The following TBC1D14 variants were observed in gnomAD, a reference collection of about 807,000 sequenced individuals.
TBC1D14 encodes TBC1 domain family, member 14.
In TBC1D14, 26 loss-of-function variants were observed where a neutral mutation model predicts 79.0. The ratio of observed to expected loss-of-function variants is 0.33; its 90% CI spans 0.24 to 0.46. The LOEUF is 0.46. Ranked by LOEUF, TBC1D14 falls within the 20% of genes least tolerant of loss-of-function variation. TBC1D14 has a pLI of 1.00. For missense variants in TBC1D14, 769 were observed against 887.6 expected, an observed-to-expected ratio of 0.87 and a Z score of 1.70; for synonymous variants, 394 against 349.9, an observed-to-expected ratio of 1.13 and a Z score of -1.40.
In TBC1D14 at chr4:7,030,323, C is replaced by G. The variant is rs754034627; in HGVS notation, c.2017-4C>G. On this transcript the variant is annotated splice_polypyrimidine_tract_variant and splice_region_variant and intron_variant, in intron 13 of 13. Coordinates refer to ENST00000409757, the MANE Select transcript of TBC1D14 (RefSeq NM_020773.3). ...ACCTCAGCTGTCTTCCCTGTGACTT[C>G]TAGGTACTGACTGCATTGCAGAAAG... The G allele has an allele frequency of 1.2e-6, 2 of 1,613,840 alleles. No individual in the cohort carries two copies. The highest frequency in any genetic ancestry group is 1.1e-5 in the South Asian group (1 of 91,082).
intron 10 of TBC1D14, 142 bp downstream of exon 10, chr4:7,010,090 A>C (rs1366346001): frequency 1.7e-5 from 15 of 863,170 alleles, no homozygotes; most frequent in Non-Finnish European, 2.8e-5. Flanking sequence ...TAAGTGAGTT[A>C]AGTGAGTTGA....
chr4:6,950,173 G>A (rs1221872109), intron 2 of TBC1D14, among the ~76,000 whole-genome samples: 1 of 152,170 alleles, frequency 6.6e-6, no homozygotes, highest in Admixed American at 6.6e-5. Context: ...TTGGTTTTCT[G>A]TTCCCGTGTT....
rs545708798 is a variant in TBC1D14, at chr4:6,936,310, C to T, written c.722+12199C>T. Among the ~76,000 whole-genome samples the T allele has an allele frequency of 5.3e-5, 8 of 152,316 alleles. No individual in the cohort carries two copies. In the East Asian group the frequency reaches 7.7e-4, roughly 15 times the overall value. ...CCAAATCCTCTGTGATCCACCTGTC[C>T]GTCTCTCTTTTTCTCCTTACCCCTG... On this transcript the variant is annotated intron_variant, in intron 2 of 13. Transcript: ENST00000409757.
chr4:7,004,152 G>T (rs1222272927), intron 7 of TBC1D14, among the ~76,000 whole-genome samples: 3 of 152,228 alleles, frequency 2.0e-5, no homozygotes, highest in African/African-American at 7.2e-5. Context: ...ACCTGTGGAG[G>T]TCTGTGTATG....
intron 2 of TBC1D14, among the ~76,000 whole-genome samples, chr4:6,934,697 TTAGCAA>T (rs2108956912): frequency 6.6e-6 from 1 of 152,006 alleles, no homozygotes. Context: ...AATTGACTGT[TTAGCAA>T]TGAGGAGGCC....
At chr4:6,969,560 C>T (rs996075209) in intron 3 of TBC1D14, among the ~76,000 whole-genome samples, 2 of 152,148 alleles carry the variant, frequency 1.3e-5, no homozygotes, top group Admixed American at 6.5e-5. Context: ...TGCCCACCAC[C>T]GCGCCTGGCT....
At chr4:7,001,945 G>A (rs1719717170) in intron 7 of TBC1D14, among the ~76,000 whole-genome samples, 2 of 152,204 alleles carry the variant, frequency 1.3e-5, no homozygotes, top group Non-Finnish European at 2.9e-5. Flanking sequence ...GTGGAAAGAC[G>A]GGGCTACCTT....
rs535061001 is a variant in TBC1D14 at position 7,013,869 on chromosome 4, G to T, written c.1648-579G>T. Among the ~76,000 whole-genome samples, 360 of 151,854 alleles carry T rather than the reference G, an allele frequency of 2.4e-3. 2 individuals carry two copies. Among genetic ancestry groups the T allele is most frequent in the African/African-American group, 7.9e-3 (327 of 41,388 alleles). ...CGCCATTCTCCTGCCTCAGCCTCCCGAGTAGCTGGGACTACAGGCGCCCGC... is the reference window on the plus strand; with the variant it reads ...CGCCATTCTCCTGCCTCAGCCTCCCTAGTAGCTGGGACTACAGGCGCCCGC... On this transcript the variant is annotated intron_variant, in intron 11 of 13. Coordinates refer to ENST00000409757, the MANE Select transcript of TBC1D14 (RefSeq NM_020773.3).
intron 2 of TBC1D14, among the ~76,000 whole-genome samples, chr4:6,926,157 C>G (rs1216522919): frequency 6.6e-6 from 1 of 152,242 alleles, no homozygotes; most frequent in East Asian, 1.9e-4. Flanking sequence ...CACCTTTGTC[C>G]TCGCACGTTC....
intron 5 of TBC1D14, among the ~76,000 whole-genome samples, chr4:6,998,385 G>C (rs917491685): frequency 2.5e-4 from 38 of 151,246 alleles, no homozygotes; most frequent in African/African-American, 9.2e-4. Flanking sequence ...AGCAGTGCTC[G>C]AACTGTTGGA....
At chr4:6,938,953 A>C (rs917449831) in intron 2 of TBC1D14, among the ~76,000 whole-genome samples, 3 of 152,168 alleles carry the variant, frequency 2.0e-5, no homozygotes, top group Admixed American at 6.5e-5. Flanking sequence ...GTAGTGCAGC[A>C]GCGGCGCCAT....
chr4:7,010,025 G>C lies in TBC1D14; in HGVS notation c.1518+77G>C, dbSNP rs1048021884. ...AGATATTGTCCAGCACGTGTTAGCT[G>C]CAAATGTCATGCCAGTGCCTTCGTT... On this transcript the variant is annotated intron_variant, in intron 10 of 13. Transcript: ENST00000409757. 10 of 1,525,598 alleles carry C rather than the reference G, an allele frequency of 6.6e-6. No homozygotes were observed. The Admixed American group carries it at 1.7e-4, about 26-fold the overall frequency. The allele number at this position is 1,525,598 out of a possible 1,614,324, so 94.5% of individuals were successfully genotyped here.
At chr4:6,925,905 C>T (rs1179781570) in intron 2 of TBC1D14, among the ~76,000 whole-genome samples, 1 of 152,182 alleles carries the variant, frequency 6.6e-6, no homozygotes, top group Non-Finnish European at 1.5e-5. Context: ...ATCAGAAGCT[C>T]AGCGAGAAGG....
At chr4:6,943,196 C>T (rs978993897) in intron 2 of TBC1D14, among the ~76,000 whole-genome samples, 1 of 151,408 alleles carries the variant, frequency 6.6e-6, no homozygotes, top group African/African-American at 2.4e-5. Context: ...GCACACACAA[C>T]TCCACTCAGA....
intron 2 of TBC1D14, among the ~76,000 whole-genome samples, chr4:6,965,379 C>T (rs1278219339): frequency 6.6e-6 from 1 of 152,130 alleles, no homozygotes; most frequent in Admixed American, 6.5e-5. Context: ...GTTTTCATGA[C>T]ATTGACATTT....
intron 3 of TBC1D14, among the ~76,000 whole-genome samples, chr4:6,978,216 G>A (rs1176592912): frequency 1.3e-5 from 2 of 151,490 alleles, no homozygotes; most frequent in Admixed American, 6.6e-5. Context: ...CCCTCTGCCC[G>A]GCCACCACCC....
chr4:6,978,147 C>G (rs1379336029), intron 3 of TBC1D14, among the ~76,000 whole-genome samples: 48 of 149,826 alleles, frequency 3.2e-4, no homozygotes, highest in Admixed American at 2.6e-3. Context: ...CGGCTAGCCG[C>G]CCCGTCCGGG....
chr4:7,024,448 C>G (rs1201397106), intron 12 of TBC1D14, among the ~76,000 whole-genome samples: 11 of 152,170 alleles, frequency 7.2e-5, no homozygotes, highest in Admixed American at 7.2e-4. Flanking sequence ...GAAGTCCTGC[C>G]GCAGACAGGG....
At chr4:6,999,777 C>G (rs1010548906) in intron 6 of TBC1D14, among the ~76,000 whole-genome samples, 1 of 152,160 alleles carries the variant, frequency 6.6e-6, no homozygotes, top group East Asian at 1.9e-4. Flanking sequence ...CCCTGTGGTT[C>G]TGTGTGCACA....
Sources: gnomAD v4.1 joint callset for allele counts (sites outside exome capture counted in the v4.1 genomes callset) on GRCh38, gnomAD v4.1.1 for gene constraint, MANE v1.5 for transcripts, NCBI Gene and HGNC (gene_info 2026-07-23, HGNC 2026-07-21) for gene names.